Variants in UNC13A observed in about 807,000 individuals in gnomAD.
UNC13A encodes unc-13 homolog A, also known as protein unc-13 homolog A.
In UNC13A, 61 loss-of-function variants were observed where a neutral mutation model predicts 219.7. That is an observed-to-expected ratio of 0.28 (90% CI 0.23 to 0.34). The LOEUF is 0.34. UNC13A is among the 10% of genes least tolerant of loss of function. UNC13A has a pLI of 1.00. For missense variants in UNC13A, 1,476 were observed against 2,270.3 expected (o/e 0.65, Z 7.11); for synonymous variants, 920 against 884.6 (o/e 1.04, Z -0.71).
chr19:17,620,915 A>G (rs1383035124), intron 37 of UNC13A, among the ~76,000 whole-genome samples, 193 bp from the exon 38 acceptor site: 3 of 150,712 alleles, frequency 2.0e-5, no homozygotes, highest in African/African-American at 4.9e-5. Flanking sequence ...TAGAGGTCAG[A>G]CTCCTTGACT....
chr19:17,621,796 G>C (rs1182089183), intron 37 of UNC13A, 36 bp downstream of exon 37: 27 of 1,609,526 alleles, frequency 1.7e-5, no homozygotes, highest in Non-Finnish European at 2.2e-5. Flanking sequence ...CCAGACACTG[G>C]AGCTCAGGGC....
intron 1 of UNC13A, chr19:17,676,293 G>C (rs2145918051): frequency 6.0e-4 from 342 of 569,556 alleles, no homozygotes; most frequent in Middle Eastern, 2.2e-3. Context: ...AGAGAGAGAA[G>C]CCATCAGACA....
At chr19:17,671,531 G>T (rs189602958) in intron 4 of UNC13A, among the ~76,000 whole-genome samples, 171 of 152,288 alleles carry the variant, frequency 1.1e-3, no homozygotes, top group African/African-American at 4.0e-3. Context: ...AGCACTTTGG[G>T]AGGCTGAGGT....
chr19:17,687,185 G>A (rs908474673), intron 1 of UNC13A, among the ~76,000 whole-genome samples: 1 of 152,302 alleles, frequency 6.6e-6, no homozygotes, highest in Admixed American at 6.5e-5. Context: ...GAGCCATAAA[G>A]GTGTGGGGTG....
intron 5 of UNC13A, 110 bp downstream of exon 5, chr19:17,669,443 G>A: frequency 7.1e-7 from 1 of 1,416,476 alleles, no homozygotes; most frequent in African/African-American, 1.4e-5. Flanking sequence ...CTCATTCTCA[G>A]CCTGAAGGGT....
chr19:17,613,702 C>CTTTTTT (rs1157023997), intron 41 of UNC13A: 37 of 124,236 alleles, frequency 3.0e-4, no homozygotes, highest in East Asian at 1.1e-3. Flanking sequence ...TCTTAAGTTT[C>CTTTTTT]TTTTTTTTTT....
chr19:17,647,419 G>T lies in UNC13A; in HGVS notation c.1890C>A (p.Arg630=). The T allele has an allele frequency of 6.2e-7, 1 of 1,613,734 alleles. No individual in the cohort carries two copies. The highest frequency in any genetic ancestry group is 8.5e-7 in the Non-Finnish European group (1 of 1,179,840). The change falls in exon 17 of 44, where the codon CGC becomes CGA. Residue 630 remains arginine, a synonymous_variant. Coordinates refer to ENST00000519716, the MANE Select transcript of UNC13A (RefSeq NM_001080421.3). Reference sequence around the variant, plus strand: ...GCTTGTTGCGCTCCCGGATCTTCATGCGGTCCTTGAGCACCATGATGATGT... The same window carrying T: ...GCTTGTTGCGCTCCCGGATCTTCATTCGGTCCTTGAGCACCATGATGATGT... ...TQNIIMVLKD[R]MKIRERNKPE... is the part of the protein sequence containing the mutation.
At chr19:17,626,902 A>G in intron 33 of UNC13A, 117 bp from the exon 34 acceptor site, 2 of 1,405,242 alleles carry the variant, frequency 1.4e-6, no homozygotes, top group Non-Finnish European at 1.9e-6. Flanking sequence ...CCGAGCAAGA[A>G]TGGAGAACAG....
At chr19:17,655,823 G>A in intron 10 of UNC13A, 60 bp downstream of exon 10, 1 of 1,458,556 alleles carries the variant, frequency 6.9e-7, no homozygotes, top group Non-Finnish European at 9.0e-7. Context: ...CCCCATCATA[G>A]CCCTGCTGAC....
chr19:17,659,848 A>T lies in UNC13A; in HGVS notation c.560-1579T>A, dbSNP rs144113562. Among the ~76,000 whole-genome samples, 3 of 151,622 alleles carry T rather than the reference A, an allele frequency of 2.0e-5. No homozygotes were observed. In the East Asian group the frequency reaches 5.8e-4, roughly 29 times the overall value. ...GAAGAGGATGTAAAAAAATGAAAAA[A>T]CCCCCAGACCCCAAAATCTCAGAGC... On this transcript the variant is annotated intron_variant, in intron 8 of 43. Transcript: ENST00000519716.
At chr19:17,651,519 C>G (rs537509787) in intron 12 of UNC13A, among the ~76,000 whole-genome samples, 2 of 152,324 alleles carry the variant, frequency 1.3e-5, no homozygotes, top group African/African-American at 4.8e-5. Flanking sequence ...AGCCACCAAG[C>G]CTGGCCCCGA....
chr19:17,680,869 CTTTTTTTTTCTTTTCTTTTCTT>C (rs2079995221), intron 1 of UNC13A, among the ~76,000 whole-genome samples: 1 of 106,436 alleles, frequency 9.4e-6, no homozygotes, highest in Non-Finnish European at 1.8e-5. Context: ...TCTTCTTCTT[CTTTTTTTTTCTTTTCTTTTCTT>C]TTTTTTTTTT....
At chr19:17,619,757 C>T (rs2076708350) in intron 38 of UNC13A, among the ~76,000 whole-genome samples, 1 of 152,036 alleles carries the variant, frequency 6.6e-6, no homozygotes, top group South Asian at 2.1e-4. Flanking sequence ...AGGAAAAATC[C>T]TCCCTCTATA....
At chr19:17,639,276 T>C in intron 24 of UNC13A, 59 bp from the exon 25 acceptor site, 3 of 1,606,734 alleles carry the variant, frequency 1.9e-6, no homozygotes, top group African/African-American at 1.3e-5. Context: ...CCCCAGGAAG[T>C]GACTGCGAGT....
At chr19:17,620,975 C>T (rs1260095023) in intron 37 of UNC13A, among the ~76,000 whole-genome samples, 2 of 152,246 alleles carry the variant, frequency 1.3e-5, no homozygotes, top group East Asian at 3.9e-4. Context: ...CCTCATCCCA[C>T]AGTCAGCCTG....
At position 17,613,231 on chromosome 19, in the gene UNC13A, C is replaced by CA. The variant is rs374921739; in HGVS notation, c.4559-1377dup. ...TGGGTGACAGAGAGAGACCCTGTCT[C>CA]AAAAAAAAAAGAGAGAGAAAAGAAA... is the stretch of plus-strand genomic sequence containing the variant. On this transcript the variant is annotated intron_variant, in intron 41 of 43. Coordinates refer to ENST00000519716, the MANE Select transcript of UNC13A (RefSeq NM_001080421.3). Among the ~76,000 whole-genome samples the CA allele has an allele frequency of 1.3e-3, 179 of 142,426 alleles. 2 individuals carry two copies. Among genetic ancestry groups the CA allele is most frequent in the South Asian group, 3.6e-3 (16 of 4,492 alleles). The allele number at this position is 142,426 out of a possible 152,430, so 93.4% of individuals were successfully genotyped here.
rs571086445 is a variant in UNC13A at position 17,678,269 on chromosome 19, A to C, written c.23-2228T>G. ...CGAGGCAGGTGGATCACTTGACGTC[A>C]GGAGTTCGAGACCAGCCTGAACAAC... On this transcript the variant is annotated intron_variant, in intron 1 of 43. Transcript: ENST00000519716. 2.0e-5 allele frequency among the ~76,000 whole-genome samples: 3 copies of C among 152,296 alleles called. No homozygotes were observed. In the South Asian group the frequency reaches 6.2e-4, roughly 32 times the overall value.
At chr19:17,682,487 C>T (rs2080036900) in intron 1 of UNC13A, among the ~76,000 whole-genome samples, 1 of 152,154 alleles carries the variant, frequency 6.6e-6, no homozygotes, top group Non-Finnish European at 1.5e-5. Context: ...CCAGGATGCC[C>T]TTATTGGCAC....
intron 6 of UNC13A, 100 bp from the exon 7 acceptor site, chr19:17,666,804 C>G (rs1366934857): frequency 1.2e-6 from 1 of 842,156 alleles, no homozygotes; most frequent in African/African-American, 1.8e-5. Flanking sequence ...CTTCCCTCTA[C>G]CTCCCAAATT....
Sources: gnomAD v4.1 joint callset for allele counts (sites outside exome capture counted in the v4.1 genomes callset) on GRCh38, gnomAD v4.1.1 for gene constraint, MANE v1.5 for transcripts, NCBI Gene and HGNC (gene_info 2026-07-23, HGNC 2026-07-21) for gene names.